The following CAPN11 variants were observed in gnomAD, a reference collection of about 807,000 sequenced individuals.
CAPN11 encodes calpain-11.
Under a neutral mutation model 105.3 loss-of-function variants are expected in CAPN11, and 108 were observed. That is an observed-to-expected ratio of 1.03 (90% CI 0.88 to 1.20). CAPN11 has a LOEUF of 1.20. CAPN11 is among the 50% of genes most tolerant of loss of function. The pLI, the probability that CAPN11 is intolerant of heterozygous loss-of-function variation, is 0.00. For missense variants in CAPN11, 883 were observed against 924.8 expected, an observed-to-expected ratio of 0.95 and a Z score of 0.59; for synonymous variants, 329 against 344.5, an observed-to-expected ratio of 0.96 and a Z score of 0.50.
At chr6:44,176,036 C>T (rs1771939830) in intron 7 of CAPN11, 32 bp from the exon 8 acceptor site, 1 of 1,516,978 alleles carries the variant, frequency 6.6e-7, no homozygotes, top group African/African-American at 1.4e-5. Flanking sequence ...CCTCCATGCC[C>T]TCCATGCTCT....
At chr6:44,167,401 G>C (rs1366201982) in intron 2 of CAPN11, among the ~76,000 whole-genome samples, 1 of 150,846 alleles carries the variant, frequency 6.6e-6, no homozygotes, top group Non-Finnish European at 1.5e-5. Context: ...AGGAGGCTGA[G>C]GCAGGAGAAT....
At chr6:44,176,782 A>G in intron 10 of CAPN11, 56 bp from the exon 11 acceptor site, 1 of 1,600,724 alleles carries the variant, frequency 6.2e-7, no homozygotes. Flanking sequence ...GTTCAGGGAG[A>G]GGGAACTGAG....
intron 1 of CAPN11, among the ~76,000 whole-genome samples, chr6:44,159,777 G>A (rs1055737993): frequency 6.6e-6 from 1 of 151,432 alleles, no homozygotes; most frequent in South Asian, 2.1e-4. Flanking sequence ...TTTTTTCCCA[G>A]TGCCGGAAAT....
rs773846055 is a variant in CAPN11 at position 44,176,821 on chromosome 6, CCCCCA to C, written c.1077-9_1077-5del. The C allele has an allele frequency of 1.5e-5, 25 of 1,613,042 alleles. No individual in the cohort carries two copies. In the Admixed American group the frequency reaches 4.0e-4, roughly 26 times the overall value. ...GCAAGTGTGCTGCTGACGGGCTCCA[CCCCCA>C]CCCCACCACAGGATGTCCTACCAAG... On this transcript the variant is annotated splice_polypyrimidine_tract_variant and intron_variant, in intron 10 of 22. Transcript: ENST00000398776.
intron 1 of CAPN11, among the ~76,000 whole-genome samples, chr6:44,165,936 T>C (rs552687750): frequency 2.0e-5 from 3 of 152,234 alleles, no homozygotes; most frequent in Admixed American, 6.5e-5. Context: ...AAGAGGCCAT[T>C]TGAGGTCTGG....
At chr6:44,167,016 T>C (rs1770017131) in intron 2 of CAPN11, among the ~76,000 whole-genome samples, 187 bp downstream of exon 2, 1 of 151,578 alleles carries the variant, frequency 6.6e-6, no homozygotes, top group Admixed American at 6.6e-5. Flanking sequence ...GGGGCGGAGG[T>C]GTGGGCAGGA....
At chr6:44,172,211 C>A in intron 4 of CAPN11, 91 bp from the exon 5 acceptor site, 1 of 774,320 alleles carries the variant, frequency 1.3e-6, no homozygotes, top group South Asian at 1.8e-5. Context: ...GGTACAGGGT[C>A]AAGTTCCTGC....
intron 2 of CAPN11, chr6:44,168,869 C>T (rs954793068): frequency 2.0e-5 from 8 of 402,192 alleles, no homozygotes; most frequent in Admixed American, 5.3e-5. Flanking sequence ...GATCCACCCA[C>T]CTTGGCCTCC....
rs779769200 is a variant in CAPN11, at chr6:44,169,968, G to T, written c.402G>T (p.Gly134=). 3.7e-6 allele frequency: 6 copies of T among 1,609,934 alleles called. No homozygotes were observed. In the Admixed American group the frequency reaches 5.0e-5, roughly 14 times the overall value. ...TTTCTCCAACAGACATCTGCCAGGG[G>T]ATCCTCGGTGAGTGGGGCACAGGAA... ...DGISPTDICQ[G]ILGDCWLLAA... The change falls in exon 4 of 23, where the codon GGG becomes GGT. Residue 134 remains glycine (G), a synonymous_variant. Coordinates refer to ENST00000398776, the MANE Select transcript of CAPN11 (RefSeq NM_007058.4).
intron 1 of CAPN11, among the ~76,000 whole-genome samples, chr6:44,165,575 C>G (rs542513564): frequency 1.3e-5 from 2 of 152,222 alleles, no homozygotes; most frequent in South Asian, 4.1e-4. Context: ...GTGACAGGGT[C>G]TGGGAAGATC....
In CAPN11 at chr6:44,176,988, G is replaced by A. The variant is rs751795920; in HGVS notation, c.1227G>A (p.Arg409=). ...GAGGCAGCTCCGCAGGGGGCTGCAG[G>A]AACCACCCTGGTGGGTGAGGGGTGA... ...WRRGSSAGGC[R]NHPGTFWTNP... Residue 409 remains arginine, a synonymous_variant, in exon 11 of 23, where the codon AGG becomes AGA. Coordinates refer to ENST00000398776, the MANE Select transcript of CAPN11 (RefSeq NM_007058.4). The A allele has an allele frequency of 6.2e-7, 1 of 1,612,386 alleles. No individual in the cohort carries two copies. Among genetic ancestry groups the A allele is most frequent in the Non-Finnish European group, 8.5e-7 (1 of 1,179,510 alleles).
intron 1 of CAPN11, among the ~76,000 whole-genome samples, chr6:44,163,227 T>G (rs1359486044): frequency 1.3e-5 from 2 of 152,180 alleles, no homozygotes; most frequent in Non-Finnish European, 2.9e-5. Flanking sequence ...GTCACACAGC[T>G]AATTCTCTGG....
chr6:44,183,171 T>A lies in CAPN11; in HGVS notation c.2070T>A (p.Asp690Glu). 1 of 1,613,448 alleles carries A rather than the reference T, an allele frequency of 6.2e-7. No individual in the cohort carries two copies. The highest frequency in any genetic ancestry group is 8.5e-7 in the Non-Finnish European group (1 of 1,179,760). ...AGGTCCTGGTGGCCAGGTATGCAGA[T>A]GATGACCTGATCATAGACTTTGACA... ...VMQVLVARYA[D>E]DDLIIDFDSF... The change falls in exon 21 of 23, where the codon GAT becomes GAA. Residue 690 changes from aspartate to glutamate, a missense_variant. Coordinates refer to ENST00000398776, the MANE Select transcript of CAPN11 (RefSeq NM_007058.4).
chr6:44,180,423 C>A, intron 14 of CAPN11, 37 bp from the exon 15 acceptor site: 1 of 1,610,936 alleles, frequency 6.2e-7, no homozygotes, highest in South Asian at 1.1e-5. Flanking sequence ...ACCTCCCTCC[C>A]CCTGGTAACT....
intron 12 of CAPN11, among the ~76,000 whole-genome samples, chr6:44,178,805 C>T (rs947030448): frequency 3.3e-5 from 5 of 150,894 alleles, no homozygotes; most frequent in African/African-American, 1.2e-4. Flanking sequence ...CACCTGTGGT[C>T]CCAGCTACTC....
rs181354122 is a variant in CAPN11 at position 44,163,074 on chromosome 6, C to T, written c.17-3684C>T. On this transcript the variant is annotated intron_variant, in intron 1 of 22. Transcript: ENST00000398776. The stretch of plus-strand genomic sequence containing the variant: ...AGGTCAGTGGGGAGAAGGTGAGTAA[C>T]GTTTTCTGAGCACCTGCTAAACTCC... 1.2e-4 allele frequency among the ~76,000 whole-genome samples: 19 copies of T among 152,222 alleles called. No individual in the cohort carries two copies. The South Asian group carries it at 3.5e-3, about 28-fold the overall frequency.
At chr6:44,177,810 C>G (rs555345040) in intron 12 of CAPN11, among the ~76,000 whole-genome samples, 50 of 152,222 alleles carry the variant, frequency 3.3e-4, no homozygotes, top group Non-Finnish European at 4.1e-4. Context: ...CCTTTCTCCC[C>G]AGGGCCACTT....
chr6:44,167,363 C>T (rs1467733559), intron 2 of CAPN11, among the ~76,000 whole-genome samples: 1 of 151,586 alleles, frequency 6.6e-6, no homozygotes, highest in African/African-American at 2.4e-5. Flanking sequence ...CCAGATGTAG[C>T]AGTGGGCACC....
At chr6:44,172,802 C>T (rs1182477551) in intron 5 of CAPN11, 138 bp from the exon 6 acceptor site, 1 of 984,338 alleles carries the variant, frequency 1.0e-6, no homozygotes, top group African/African-American at 1.6e-5. Context: ...CGGGCTCAGG[C>T]TTTGGGTTGC....
Sources: allele counts gnomAD v4.1 joint callset (sites outside exome capture counted in the v4.1 genomes callset), GRCh38; gene constraint gnomAD v4.1.1; transcripts MANE v1.5; gene names NCBI Gene and HGNC (gene_info 2026-07-23, HGNC 2026-07-21).